The following EFCAB6 variants were observed in gnomAD, a reference collection of about 807,000 sequenced individuals.
The protein encoded by EFCAB6 is EF-hand calcium-binding domain-containing protein 6.
A neutral mutation model predicts 169.8 loss-of-function variants in EFCAB6; 156 were observed. That is an observed-to-expected ratio of 0.92 (90% CI 0.81 to 1.05). The LOEUF (loss-of-function observed/expected upper bound fraction) is 1.05, where lower values mean the gene tolerates loss of function less well. Ranked by LOEUF, EFCAB6 falls within the 50% of genes least tolerant of loss-of-function variation. EFCAB6 has a pLI of 0.00. For missense variants in EFCAB6, 1,800 were observed against 1,829.1 expected (o/e 0.98, Z 0.29); for synonymous variants, 698 against 676.4 (o/e 1.03, Z -0.50).
chr22:43,634,010 G>A (rs1358979980), intron 18 of EFCAB6, among the ~76,000 whole-genome samples: 1 of 152,110 alleles, frequency 6.6e-6, no homozygotes, highest in East Asian at 1.9e-4. Context: ...GGCAGGGAGA[G>A]GAGAAGCAGG....
Position 43,776,198 on chromosome 22 carries a change from C to A in EFCAB6, c.140-3095G>T, listed in dbSNP as rs530009841. Among the ~76,000 whole-genome samples, 127 of 152,252 alleles carry A rather than the reference C, an allele frequency of 8.3e-4. 1 individual carries two copies. Among genetic ancestry groups the A allele is most frequent in the African/African-American group, 2.4e-3 (100 of 41,550 alleles). ...GGAGTGGAGATGCAAGTGTGGGAAC[C>A]ACCTGCATGGAGGCCACAGGGAAAC... is the stretch of plus-strand genomic sequence containing the variant. On this transcript the variant is annotated intron_variant, in intron 3 of 31. Coordinates refer to ENST00000262726, the MANE Select transcript of EFCAB6 (RefSeq NM_022785.4).
intron 10 of EFCAB6, among the ~76,000 whole-genome samples, chr22:43,703,469 T>A (rs2058838613): frequency 6.6e-6 from 1 of 151,944 alleles, no homozygotes; most frequent in Non-Finnish European, 1.5e-5. Flanking sequence ...ATCATGACAC[T>A]TCCAAAATAA....
chr22:43,748,881 A>G (rs1165990052), intron 6 of EFCAB6, among the ~76,000 whole-genome samples: 1 of 152,198 alleles, frequency 6.6e-6, no homozygotes, highest in Non-Finnish European at 1.5e-5. Flanking sequence ...GCACAAGCAA[A>G]AGACATGGGT....
intron 2 of EFCAB6, among the ~76,000 whole-genome samples, chr22:43,783,631 C>T (rs117802234): frequency 7.9e-5 from 12 of 152,204 alleles, no homozygotes; most frequent in South Asian, 2.1e-4. Context: ...CTCTAGTGGC[C>T]ATATATAACA....
In EFCAB6 at chr22:43,618,045, T is replaced by A. The variant is rs1052668060; in HGVS notation, c.2466-2123A>T. ...GGAATCTGGGAGGCGGAGGTTGCAG[T>A]GAGCTGAGATTGTGCCACTGTACTC... is the stretch of plus-strand genomic sequence containing the variant. On this transcript the variant is annotated intron_variant, in intron 20 of 31. Transcript: ENST00000262726. 6.8e-5 allele frequency among the ~76,000 whole-genome samples: 10 copies of A among 146,232 alleles called. 1 individual carries two copies. Among genetic ancestry groups the A allele is most frequent in the Admixed American group, 2.8e-4 (4 of 14,362 alleles).
chr22:43,728,473 T>C (rs1436917594), intron 8 of EFCAB6, among the ~76,000 whole-genome samples: 1 of 152,252 alleles, frequency 6.6e-6, no homozygotes, highest in Non-Finnish European at 1.5e-5. Flanking sequence ...TTTAGATCCT[T>C]GAGAAATTGC....
Position 43,773,075 on chromosome 22 carries a change from GGACA to G in EFCAB6, c.164_167del (p.Leu55ProfsTer3). 6.2e-7 allele frequency: 1 copy of G among 1,614,186 alleles called. No individual in the cohort carries two copies. Among genetic ancestry groups the G allele is most frequent in the Non-Finnish European group, 8.5e-7 (1 of 1,180,040 alleles). Reference sequence around the variant, plus strand: ...ATAAAATCCGTTTAACATCTAAGGAGGACAGTGTTGGATTTGCAACAGCTGTGGC... The same window carrying G: ...ATAAAATCCGTTTAACATCTAAGGAGGTGTTGGATTTGCAACAGCTGTGGC... On this transcript the variant is annotated frameshift_variant, in exon 4 of 32. Transcript: ENST00000262726. LOFTEE classifies it high-confidence loss of function.
At chr22:43,702,574 T>C (rs2058806296) in intron 10 of EFCAB6, among the ~76,000 whole-genome samples, 1 of 152,194 alleles carries the variant, frequency 6.6e-6, no homozygotes, top group African/African-American at 2.4e-5. Flanking sequence ...GACGCCCAGC[T>C]TCCTGGCATT....
At chr22:43,604,674 C>T (rs1241143909) in intron 22 of EFCAB6, among the ~76,000 whole-genome samples, 7 of 152,128 alleles carry the variant, frequency 4.6e-5, no homozygotes, top group African/African-American at 1.4e-4. Flanking sequence ...GAAATGGCCT[C>T]ACTTCTTGTG....
intron 26 of EFCAB6, among the ~76,000 whole-genome samples, chr22:43,565,791 T>G (rs1036733381): frequency 1.3e-5 from 2 of 151,842 alleles, no homozygotes; most frequent in Non-Finnish European, 1.5e-5. Context: ...TCACACAGAA[T>G]AAGAACTCAG....
intron 19 of EFCAB6, among the ~76,000 whole-genome samples, chr22:43,631,865 CA>C (rs2054970389): frequency 6.6e-6 from 1 of 152,058 alleles, no homozygotes; most frequent in South Asian, 2.1e-4. Context: ...CACCTCTTGT[CA>C]AAAGGGTCTC....
intron 23 of EFCAB6, among the ~76,000 whole-genome samples, chr22:43,599,298 T>C (rs752327824): frequency 6.6e-6 from 1 of 151,772 alleles, no homozygotes. Flanking sequence ...TCGCTTGAGG[T>C]CAGGAGTTCA....
chr22:43,696,590 T>C (rs1364793844), intron 10 of EFCAB6, among the ~76,000 whole-genome samples: 1 of 152,196 alleles, frequency 6.6e-6, no homozygotes, highest in Non-Finnish European at 1.5e-5. Flanking sequence ...TTGTGATATA[T>C]CAATACTAAG....
Position 43,530,815 on chromosome 22 carries a change from C to G in EFCAB6, c.4383G>C (p.Thr1461=), listed in dbSNP as rs761698490. ...GCACTGGGCGCAGAGCTGTGCTCAC[C>G]GTCCTGAAATCTGCGACGCTTAGCA... ...TGLLSVADFR[T]VLRQYSINLS... The change falls in exon 31 of 32, where the codon ACG becomes ACC. Residue 1461 remains threonine, a splice_region_variant and synonymous_variant. Coordinates refer to ENST00000262726, the MANE Select transcript of EFCAB6 (RefSeq NM_022785.4). 1 of 1,613,360 alleles carries G rather than the reference C, an allele frequency of 6.2e-7. No individual in the cohort carries two copies.
chr22:43,807,684 G>A (rs780490493), intron 2 of EFCAB6, among the ~76,000 whole-genome samples: 4 of 152,202 alleles, frequency 2.6e-5, no homozygotes, highest in Non-Finnish European at 5.9e-5. Flanking sequence ...ATGGAGAGGG[G>A]TGTGGAAATT....
chr22:43,638,046 C>T (rs536879634), intron 17 of EFCAB6, among the ~76,000 whole-genome samples: 1 of 152,240 alleles, frequency 6.6e-6, no homozygotes, highest in East Asian at 1.9e-4. Context: ...GTCCAGCGGT[C>T]GCAGGAGCGT....
intron 13 of EFCAB6, among the ~76,000 whole-genome samples, chr22:43,677,529 C>T (rs943295659): frequency 6.6e-6 from 1 of 152,048 alleles, no homozygotes; most frequent in African/African-American, 2.4e-5. Context: ...GCCTGTAGTC[C>T]CAGCTACTTG....
At chr22:43,577,599 G>C (rs898843082) in intron 25 of EFCAB6, among the ~76,000 whole-genome samples, 6 of 152,194 alleles carry the variant, frequency 3.9e-5, no homozygotes, top group African/African-American at 1.4e-4. Context: ...GAGGGCAGGT[G>C]TAAGTTTTCC....
chr22:43,549,926 T>C (rs899174038), intron 27 of EFCAB6, among the ~76,000 whole-genome samples: 1 of 152,194 alleles, frequency 6.6e-6, no homozygotes, highest in Non-Finnish European at 1.5e-5. Flanking sequence ...TGTATCTCAA[T>C]AGATACAGGA....
Sources: allele counts gnomAD v4.1 joint callset (sites outside exome capture counted in the v4.1 genomes callset), GRCh38; gene constraint gnomAD v4.1.1; transcripts MANE v1.5; gene names NCBI Gene and HGNC (gene_info 2026-07-23, HGNC 2026-07-21).